The following ZNF430 variants were observed in gnomAD, a reference collection of about 807,000 sequenced individuals.
ZNF430 encodes the protein zinc finger protein 430.
ZNF430 carries 35 observed loss-of-function variants against 56.7 expected under a neutral mutation model. That is an observed-to-expected ratio of 0.62 (90% CI 0.47 to 0.82). ZNF430 has a LOEUF of 0.82. Among genes scored for constraint, ZNF430 ranks in the 40% least tolerant of loss-of-function variants. The pLI, the probability that ZNF430 is intolerant of heterozygous loss-of-function variation, is 0.00. For synonymous variants in ZNF430, 212 were observed against 224.3 expected (o/e 0.94, Z 0.49); for missense variants, 574 against 661.0 (o/e 0.87, Z 1.44).
chr19:21,031,072 T>A (rs930945024), intron 2 of ZNF430, among the ~76,000 whole-genome samples: 1 of 152,048 alleles, frequency 6.6e-6, no homozygotes, highest in South Asian at 2.1e-4. Flanking sequence ...TTAGTAGAGA[T>A]GAGGTTACAC....
intron 4 of ZNF430, among the ~76,000 whole-genome samples, chr19:21,056,196 T>C (rs1239417996): frequency 6.6e-6 from 1 of 152,188 alleles, no homozygotes; most frequent in Admixed American, 6.5e-5. Context: ...TTAGGGCCTT[T>C]GGGCCAGGCG....
At chr19:21,020,882 A>G in intron 1 of ZNF430, 79 bp downstream of exon 1, 2 of 1,588,222 alleles carry the variant, frequency 1.3e-6, no homozygotes, top group Admixed American at 1.7e-5. Context: ...GGCGGGACTC[A>G]GGCCTCCCGG....
intron 1 of ZNF430, 27 bp downstream of exon 1, chr19:21,020,830 A>G (rs968759196): frequency 6.2e-7 from 1 of 1,613,692 alleles, no homozygotes; most frequent in Non-Finnish European, 8.5e-7. Context: ...CGACATCCCC[A>G]GAGAGGGGAG....
chr19:21,030,714 A>C (rs573585266), intron 2 of ZNF430, among the ~76,000 whole-genome samples: 1 of 152,272 alleles, frequency 6.6e-6, no homozygotes, highest in Non-Finnish European at 1.5e-5. Context: ...CAACATCAGC[A>C]TTGACAGGGA....
chr19:21,046,272 T>C (rs1599502994), intron 4 of ZNF430, among the ~76,000 whole-genome samples: 1 of 150,130 alleles, frequency 6.7e-6, no homozygotes, highest in Non-Finnish European at 1.5e-5. Context: ...TTAGTCAAGA[T>C]TGTGCACTGC....
In ZNF430 at chr19:21,058,282, TA is replaced by T. The variant is rs1968417184; in HGVS notation, c.*266del. ...CAACATGGTGAAATCCTGTCTCTAC[TA>T]AAAATACAAAATTAGCCATGCGTAG... On this transcript the variant is annotated 3_prime_UTR_variant, in exon 5 of 5. Transcript: ENST00000261560. 4.9e-6 allele frequency: 2 copies of T among 408,738 alleles called. No homozygotes were observed. The highest frequency in any genetic ancestry group is 3.2e-5 in the South Asian group (1 of 30,922). 25.3% of individuals were successfully genotyped at this position (408,738 alleles called of 1,614,324 possible). A position where few individuals can be genotyped will look rare whatever the true frequency, so the allele number is the denominator to read the frequency against.
At chr19:21,031,596 G>T (rs769749677) in intron 2 of ZNF430, among the ~76,000 whole-genome samples, 16 of 152,150 alleles carry the variant, frequency 1.1e-4, no homozygotes, top group Non-Finnish European at 2.4e-4. Context: ...GACTTTTTCT[G>T]CAGGACCTTC....
rs1968421269 is a variant in ZNF430, at chr19:21,058,566, T to C, written c.*545T>C. On this transcript the variant is annotated 3_prime_UTR_variant, in exon 5 of 5. Coordinates refer to ENST00000261560, the MANE Select transcript of ZNF430 (RefSeq NM_025189.4). ...AAAAAATCATACTGGTGAGAAATCCTAGAAATGTAAAGAATGTGACAAGGC... is the reference window on the plus strand; with the variant it reads ...AAAAAATCATACTGGTGAGAAATCCCAGAAATGTAAAGAATGTGACAAGGC... 1.9e-5 allele frequency: 3 copies of C among 161,346 alleles called. No homozygotes were observed. 10.0% of individuals were successfully genotyped at this position (161,346 alleles called of 1,614,324 possible).
At chr19:21,022,928 ATT>A in intron 2 of ZNF430, 47 bp downstream of exon 2, 2 of 1,373,358 alleles carry the variant, frequency 1.5e-6, no homozygotes, top group African/African-American at 1.4e-5. Flanking sequence ...CCCAGCTTTC[ATT>A]TCTTGGAGAC....
At chr19:21,025,886 T>C in intron 2 of ZNF430, 1 of 368,822 alleles carries the variant, frequency 2.7e-6, no homozygotes, top group South Asian at 2.7e-5. Context: ...TTTCCACAAT[T>C]CATCTTGTCT....
Position 21,041,683 on chromosome 19 carries a change from G to A in ZNF430, c.322+7499G>A, listed in dbSNP as rs766404607. ...CCCCTACTCTGACAGGTTCCAGTGT[G>A]TGTTGTTCCCCTCTATGTGTCCATG... On this transcript the variant is annotated intron_variant, in intron 4 of 4. Transcript: ENST00000261560. 2.1e-4 allele frequency among the ~76,000 whole-genome samples: 32 copies of A among 150,144 alleles called. 1 individual carries two copies. Among genetic ancestry groups the A allele is most frequent in the Non-Finnish European group, 4.3e-4 (29 of 67,744 alleles).
chr19:21,058,839 T>C lies in ZNF430; in HGVS notation c.*818T>C, dbSNP rs1848562199. The stretch of plus-strand genomic sequence containing the variant: ...TATAAGTGCAATTACTGTCAAAAGA[T>C]CTTTCAGAAAATATAAACCTTTAAA... On this transcript the variant is annotated 3_prime_UTR_variant, in exon 5 of 5. Coordinates refer to ENST00000261560, the MANE Select transcript of ZNF430 (RefSeq NM_025189.4). The C allele has an allele frequency of 6.6e-6, 1 of 152,212 alleles. No individual in the cohort carries two copies. Among genetic ancestry groups the C allele is most frequent in the Admixed American group, 6.5e-5 (1 of 15,270 alleles). 9.4% of individuals were successfully genotyped at this position (152,212 alleles called of 1,614,324 possible). A position where few individuals can be genotyped will look rare whatever the true frequency, so the allele number is the denominator to read the frequency against.
intron 4 of ZNF430, among the ~76,000 whole-genome samples, chr19:21,048,800 C>T (rs1968229243): frequency 2.6e-5 from 4 of 151,160 alleles, no homozygotes; most frequent in Admixed American, 2.6e-4. Flanking sequence ...GGGCGGCTGG[C>T]CGGGCGGGTG....
intron 4 of ZNF430, among the ~76,000 whole-genome samples, chr19:21,055,598 G>A (rs1047079387): frequency 3.3e-5 from 5 of 151,936 alleles, no homozygotes; most frequent in African/African-American, 1.2e-4. Flanking sequence ...ACAGGTGTAC[G>A]CTATCACACC....
intron 4 of ZNF430, among the ~76,000 whole-genome samples, chr19:21,052,536 G>A (rs1325294079): frequency 6.6e-6 from 1 of 151,836 alleles, no homozygotes; most frequent in Non-Finnish European, 1.5e-5. Context: ...TATATACATA[G>A]GTTCCCAGTA....
At chr19:21,025,202 A>G (rs1967769995) in intron 2 of ZNF430, among the ~76,000 whole-genome samples, 2 of 152,170 alleles carry the variant, frequency 1.3e-5, no homozygotes, top group Admixed American at 6.5e-5. Flanking sequence ...GCCCATTTTT[A>G]TGGTTATTTC....
chr19:21,047,248 G>A (rs912711116), intron 4 of ZNF430, among the ~76,000 whole-genome samples: 2 of 152,058 alleles, frequency 1.3e-5, no homozygotes, highest in Non-Finnish European at 2.9e-5. Context: ...GTTTTTCATG[G>A]TTCTTAGCTT....
At chr19:21,026,065 A>AT (rs1166428788) in intron 2 of ZNF430, 5 of 298,762 alleles carry the variant, frequency 1.7e-5, no homozygotes, top group African/African-American at 1.1e-4. Flanking sequence ...TTTTTAGTAG[A>AT]GACGGGGTTT....
chr19:21,026,441 C>A (rs941397197), intron 2 of ZNF430, among the ~76,000 whole-genome samples: 8 of 152,324 alleles, frequency 5.3e-5, no homozygotes, highest in African/African-American at 1.9e-4. Flanking sequence ...CCTGCCCCAG[C>A]CTCCCAAAGT....
Sources: allele counts gnomAD v4.1 joint callset (sites outside exome capture counted in the v4.1 genomes callset), GRCh38; gene constraint gnomAD v4.1.1; transcripts MANE v1.5; gene names NCBI Gene and HGNC (gene_info 2026-07-23, HGNC 2026-07-21).